The following TATDN1 variants were observed in gnomAD, a reference collection of about 807,000 sequenced individuals.
TATDN1 encodes TatD DNase domain containing 1.
A neutral mutation model predicts 46.4 loss-of-function variants in TATDN1; 40 were observed. The observed-to-expected ratio is 0.86, with a 90% CI of 0.67 to 1.12. TATDN1 has a LOEUF of 1.12. Among genes scored for constraint, TATDN1 ranks in the 50% most tolerant of loss-of-function variants. The probability of loss-of-function intolerance (pLI) is 0.00; values close to 1 mark genes in which losing one functional copy is unlikely to be tolerated. For synonymous variants in TATDN1, 95 were observed against 105.6 expected (o/e 0.90, Z 0.62); for missense variants, 326 against 348.4 (o/e 0.94, Z 0.51).
intron 4 of TATDN1, 46 bp from the exon 5 acceptor site, chr8:124,516,076 A>G (rs1586632505): frequency 9.0e-6 from 13 of 1,444,948 alleles, no homozygotes; most frequent in Admixed American, 2.5e-5. Context: ...GTATTTTCTC[A>G]TATTTATATT....
At chr8:124,524,955 G>A (rs1321129946) in intron 1 of TATDN1, among the ~76,000 whole-genome samples, 1 of 152,074 alleles carries the variant, frequency 6.6e-6, no homozygotes, top group Non-Finnish European at 1.5e-5. Flanking sequence ...CCTGGCTGAT[G>A]AGGAAAGCAG....
At chr8:124,510,888 CAAGAA>C (rs1304138732) in intron 6 of TATDN1, among the ~76,000 whole-genome samples, 10 of 151,954 alleles carry the variant, frequency 6.6e-5, no homozygotes, top group Non-Finnish European at 1.0e-4. Context: ...TTACATAATT[CAAGAA>C]AAGAAAGGTC....
intron 1 of TATDN1, among the ~76,000 whole-genome samples, chr8:124,533,346 A>G (rs766652517): frequency 5.9e-5 from 9 of 152,170 alleles, no homozygotes; most frequent in Non-Finnish European, 1.0e-4. Context: ...TAGGAGGTCA[A>G]TCAACTGGCT....
rs190133394 is a variant in TATDN1, at chr8:124,502,212, G to C, written c.593+2059C>G. On this transcript the variant is annotated intron_variant, in intron 9 of 11. Coordinates refer to ENST00000276692, the MANE Select transcript of TATDN1 (RefSeq NM_032026.4). ...AAAAAATAGCCAGGTGTAGTGGCGG[G>C]CACCTGTAATCCCAGCTACTCGGGA... Among the ~76,000 whole-genome samples, 1,327 of 152,070 alleles carry C rather than the reference G, an allele frequency of 8.7e-3. 11 individuals are homozygous for C. Among genetic ancestry groups the C allele is most frequent in the Middle Eastern group, 0.027 (8 of 292 alleles).
At chr8:124,506,901 G>A (rs1289780496) in intron 8 of TATDN1, among the ~76,000 whole-genome samples, 1 of 152,136 alleles carries the variant, frequency 6.6e-6, no homozygotes, top group East Asian at 1.9e-4. Context: ...GGTGGCTCAT[G>A]CCTGTAATCC....
intron 1 of TATDN1, among the ~76,000 whole-genome samples, chr8:124,530,769 A>G (rs1285985006): frequency 6.6e-6 from 1 of 152,224 alleles, no homozygotes; most frequent in Non-Finnish European, 1.5e-5. Context: ...CTATTAGTTT[A>G]GATAGAGGCA....
intron 9 of TATDN1, 77 bp from the exon 10 acceptor site, chr8:124,495,619 A>G: frequency 8.1e-7 from 1 of 1,228,466 alleles, no homozygotes. Flanking sequence ...CTTGTCTAAA[A>G]TGCTACAAAA....
intron 4 of TATDN1, among the ~76,000 whole-genome samples, chr8:124,517,817 T>G (rs553029260): frequency 1.9e-3 from 285 of 152,252 alleles, no homozygotes; most frequent in Non-Finnish European, 3.3e-3. Context: ...TAGTAAAAAT[T>G]TAATAAAATG....
At chr8:124,534,186 C>T (rs1274992183) in intron 1 of TATDN1, among the ~76,000 whole-genome samples, 3 of 119,312 alleles carry the variant, frequency 2.5e-5, no homozygotes, top group Admixed American at 1.6e-4. Flanking sequence ...AAAAGAAATG[C>T]GCTAGAGCAA....
At chr8:124,529,820 A>G (rs1206904446) in intron 1 of TATDN1, among the ~76,000 whole-genome samples, 1 of 151,876 alleles carries the variant, frequency 6.6e-6, no homozygotes, top group Non-Finnish European at 1.5e-5. Context: ...GGCCGGGTGC[A>G]GTGGCTCATG....
intron 1 of TATDN1, among the ~76,000 whole-genome samples, chr8:124,530,606 TTAAG>T (rs1467371769): frequency 2.0e-5 from 3 of 152,286 alleles, no homozygotes; most frequent in Admixed American, 1.3e-4. Context: ...GGGACTGTCC[TTAAG>T]TAAGAGAACA....
At chr8:124,523,497 A>G (rs1820230283) in intron 1 of TATDN1, 1 of 152,454 alleles carries the variant, frequency 6.6e-6, no homozygotes, top group South Asian at 2.1e-4. Context: ...GGAGAGAAGA[A>G]CAATTGGCCC....
intron 11 of TATDN1, chr8:124,491,258 T>G (rs1816970159): frequency 6.6e-6 from 1 of 152,224 alleles, no homozygotes; most frequent in South Asian, 2.1e-4. Flanking sequence ...ATAAGAGCCC[T>G]CACAATCTGG....
chr8:124,524,441 G>T (rs182111920), intron 1 of TATDN1, among the ~76,000 whole-genome samples: 35 of 152,238 alleles, frequency 2.3e-4, no homozygotes, highest in Admixed American at 2.2e-3. Context: ...GTAAGTACAG[G>T]AAATTAGATA....
chr8:124,517,424 TCAA>T (rs1819578917), intron 4 of TATDN1, among the ~76,000 whole-genome samples: 1 of 93,328 alleles, frequency 1.1e-5, no homozygotes. Context: ...CAAGACTGTC[TCAA>T]AAAAAAAAAA....
Position 124,495,493 on chromosome 8 carries a change from C to T in TATDN1, c.643G>A (p.Glu215Lys). Residue 215 changes from glutamate (E) to lysine (K), a missense_variant, in exon 10 of 12, where the codon GAA becomes AAA. Glu to Lys is a moderately conservative substitution (Grantham distance 56). Transcript: ENST00000276692. ...TTACCTGTCTCAATCATTAATTTTT[C>T]ACTAGGAATTGACTTCAAAACTTCC... ...NLEVLKSIPS[E>K]KLMIETDAPW... 1 of 1,608,496 alleles carries T rather than the reference C, an allele frequency of 6.2e-7. No individual in the cohort carries two copies. Among genetic ancestry groups the T allele is most frequent in the Non-Finnish European group, 8.5e-7 (1 of 1,178,272 alleles).
chr8:124,509,040 C>T lies in TATDN1; in HGVS notation c.390-352G>A, dbSNP rs575117722. 1.4e-4 allele frequency among the ~76,000 whole-genome samples: 21 copies of T among 152,248 alleles called. 2 individuals are homozygous for T. Among genetic ancestry groups the T allele is most frequent in the African/African-American group, 4.8e-4 (20 of 41,542 alleles). On this transcript the variant is annotated intron_variant, in intron 6 of 11. Coordinates refer to ENST00000276692, the MANE Select transcript of TATDN1 (RefSeq NM_032026.4). The stretch of plus-strand genomic sequence containing the variant: ...CATGCTAATCTATTCCATTTTGCAA[C>T]CAGTTTTTTATGTGCTGTTATAAAA...
intron 4 of TATDN1, among the ~76,000 whole-genome samples, chr8:124,516,440 C>G (rs1819480240): frequency 6.6e-6 from 1 of 151,778 alleles, no homozygotes; most frequent in Admixed American, 6.6e-5. Flanking sequence ...GTAACTGGGG[C>G]TACATACGCA....
At chr8:124,520,013 C>T (rs535797195) in intron 3 of TATDN1, among the ~76,000 whole-genome samples, 1 of 152,094 alleles carries the variant, frequency 6.6e-6, no homozygotes, top group Non-Finnish European at 1.5e-5. Context: ...GGAGAAAACA[C>T]AAAACGAAGG....
Sources: gnomAD v4.1 joint callset for allele counts (sites outside exome capture counted in the v4.1 genomes callset) on GRCh38, gnomAD v4.1.1 for gene constraint, MANE v1.5 for transcripts, NCBI Gene and HGNC (gene_info 2026-07-23, HGNC 2026-07-21) for gene names.